TGFBR3: variants seen among roughly 807,000 people sequenced by gnomAD.
The protein encoded by TGFBR3 is transforming growth factor beta receptor 3.
In TGFBR3, 46 loss-of-function variants were observed where a neutral mutation model predicts 87.9. That is an observed-to-expected ratio of 0.52 (90% confidence interval 0.41 to 0.67). TGFBR3 has a LOEUF of 0.67. Ranked by LOEUF, TGFBR3 falls within the 30% of genes least tolerant of loss-of-function variation. TGFBR3 has a pLI of 0.00. For synonymous variants in TGFBR3, 381 were observed against 391.6 expected, an observed-to-expected ratio of 0.97 and a Z score of 0.32; for missense variants, 866 against 1,041.9, an observed-to-expected ratio of 0.83 and a Z score of 2.32.
chr1:91,865,445 GTATT>G (rs1180329432), intron 1 of TGFBR3, among the ~76,000 whole-genome samples: 4 of 151,432 alleles, frequency 2.6e-5, no homozygotes, highest in Non-Finnish European at 5.9e-5. Context: ...AGAACTTAAA[GTATT>G]TATTTAAAAA....
At chr1:91,785,324 G>T (rs774728933) in intron 3 of TGFBR3, among the ~76,000 whole-genome samples, 9 of 152,170 alleles carry the variant, frequency 5.9e-5, no homozygotes, top group Middle Eastern at 3.2e-3. Flanking sequence ...GCCGGGTCGT[G>T]GGGGGCACAC....
Position 91,720,206 on chromosome 1 carries a change from A to G in TGFBR3, c.1100T>C (p.Val367Ala), listed in dbSNP as rs776276219. 14 of 1,605,500 alleles carry G rather than the reference A, an allele frequency of 8.7e-6. No individual in the cohort carries two copies. Among genetic ancestry groups the G allele is most frequent in the Non-Finnish European group, 1.2e-5 (14 of 1,175,600 alleles). The change falls in exon 9 of 17, where the codon GTC (valine) becomes GCC (alanine). Residue 367 changes from valine (V) to alanine (A), a missense_variant. By Grantham distance (64) the Val-to-Ala change is moderately conservative (BLOSUM62 0). Transcript: ENST00000212355. The stretch of plus-strand genomic sequence containing the variant: ...CCGTAGCTCAGGAGGAATAGTGTGG[A>G]CTTCCTCATCTCCCATCTCCTCTGC... ...NNAEEMGDEEVHTIPPELRIL... is the reference protein window; with the variant it reads ...NNAEEMGDEEAHTIPPELRIL...
chr1:91,819,774 C>T (rs1419061717), intron 2 of TGFBR3, among the ~76,000 whole-genome samples: 1 of 152,198 alleles, frequency 6.6e-6, no homozygotes, highest in Non-Finnish European at 1.5e-5. Flanking sequence ...GCCCACTCTG[C>T]TTCTCTGCTC....
At chr1:91,713,735 G>A (rs1480587036) in intron 12 of TGFBR3, among the ~76,000 whole-genome samples, 1 of 152,184 alleles carries the variant, frequency 6.6e-6, no homozygotes, top group Admixed American at 6.5e-5. Flanking sequence ...TGTCACTGTG[G>A]TGACATTCTG....
intron 2 of TGFBR3, among the ~76,000 whole-genome samples, chr1:91,839,029 G>A (rs1161973522): frequency 6.6e-6 from 1 of 152,158 alleles, no homozygotes; most frequent in South Asian, 2.1e-4. Context: ...CCAGGCTAGA[G>A]TGCAGTGGCA....
chr1:91,708,820 C>T, intron 13 of TGFBR3, 37 bp from the exon 14 acceptor site: 3 of 1,611,162 alleles, frequency 1.9e-6, no homozygotes, highest in Non-Finnish European at 1.7e-6. Flanking sequence ...AATCAGGGGC[C>T]ACTCAAAAGT....
intron 1 of TGFBR3, among the ~76,000 whole-genome samples, chr1:91,877,381 G>A (rs149614588): frequency 5.9e-5 from 9 of 152,208 alleles, no homozygotes; most frequent in East Asian, 5.8e-4. Context: ...AGGCTGGAGT[G>A]CAGTGGTATG....
At chr1:91,769,964 C>T (rs149133557) in intron 3 of TGFBR3, among the ~76,000 whole-genome samples, 4 of 152,294 alleles carry the variant, frequency 2.6e-5, no homozygotes, top group Admixed American at 2.6e-4. Flanking sequence ...GTAAACACTG[C>T]TCCTCAGGCA....
rs1339673164 is a variant in TGFBR3, at chr1:91,716,227, A to T, written c.1866+9T>A. The T allele has an allele frequency of 1.9e-6, 3 of 1,614,034 alleles. No homozygotes were observed. Among genetic ancestry groups the T allele is most frequent in the Non-Finnish European group, 2.5e-6 (3 of 1,179,968 alleles). On this transcript the variant is annotated intron_variant, in intron 12 of 16. Transcript: ENST00000212355. ...ACCTAAAAGGTCAAGGCTAACTTTCAGGTCTCACCTCAACATAAACGTGTC... is the reference window on the plus strand; with the variant it reads ...ACCTAAAAGGTCAAGGCTAACTTTCTGGTCTCACCTCAACATAAACGTGTC...
At chr1:91,754,885 C>T (rs1057260613) in intron 4 of TGFBR3, 1 of 151,898 alleles carries the variant, frequency 6.6e-6, no homozygotes, top group South Asian at 2.1e-4. Flanking sequence ...TCTCATTGCC[C>T]TATTTAAAAA....
chr1:91,766,979 A>T lies in TGFBR3; in HGVS notation c.247-8229T>A, dbSNP rs1440201371. Among the ~76,000 whole-genome samples, 6 of 133,224 alleles carry T rather than the reference A, an allele frequency of 4.5e-5. 2 individuals carry two copies. Among genetic ancestry groups the T allele is most frequent in the African/African-American group, 1.1e-4 (4 of 35,382 alleles). 87.4% of individuals were successfully genotyped at this position (133,224 alleles called of 152,430 possible). A position where few individuals can be genotyped will look rare whatever the true frequency, so the allele number is the denominator to read the frequency against. On this transcript the variant is annotated intron_variant, in intron 3 of 16. Transcript: ENST00000212355. ...TTTCAGCCCACCCAAAACCCTTAAA[A>T]ACTCCAACCCCAAACTCCTGTGGGA...
chr1:91,688,363 G>T (rs930900884), intron 16 of TGFBR3, among the ~76,000 whole-genome samples: 8 of 152,160 alleles, frequency 5.3e-5, no homozygotes, highest in Admixed American at 1.3e-4. Flanking sequence ...TCAGGTGGAG[G>T]AGGAAGGCTG....
chr1:91,800,667 C>T (rs1433599764), intron 2 of TGFBR3, among the ~76,000 whole-genome samples: 2 of 150,220 alleles, frequency 1.3e-5, no homozygotes, highest in Non-Finnish European at 3.0e-5. Flanking sequence ...AAAAAAGCTA[C>T]AACATATGAT....
Position 91,734,840 on chromosome 1 carries a change from A to G in TGFBR3, c.504T>C (p.Tyr168=). The change falls in exon 5 of 17, where the codon TAT becomes TAC. Residue 168 remains tyrosine (Y), a synonymous_variant. Coordinates refer to ENST00000212355, the MANE Select transcript of TGFBR3 (RefSeq NM_003243.5). ...GTTCGGTGAATGAAGTAACTGCTCC[A>G]TACTCTTTTCGGGCCCAATTTAACA... The part of the protein sequence containing the change: ...EHLLNWARKE[Y]GAVTSFTELK... 1 of 1,614,216 alleles carries G rather than the reference A, an allele frequency of 6.2e-7. No homozygotes were observed. Among genetic ancestry groups the G allele is most frequent in the Non-Finnish European group, 8.5e-7 (1 of 1,180,022 alleles).
intron 5 of TGFBR3, among the ~76,000 whole-genome samples, chr1:91,732,488 C>T (rs1021253623): frequency 2.0e-5 from 3 of 152,116 alleles, no homozygotes; most frequent in African/African-American, 4.8e-5. Flanking sequence ...GAGAACTGCT[C>T]GGGTTAGAGC....
intron 2 of TGFBR3, among the ~76,000 whole-genome samples, chr1:91,893,373 C>T (rs7543879): frequency 0.46 from 69,915 of 151,710 alleles, 16,345 homozygotes; most frequent in Non-Finnish European, 0.51. Flanking sequence ...CAACCTTCAC[C>T]TCCCGGGTTC....
chr1:91,691,601 C>T (rs146774792), intron 16 of TGFBR3, among the ~76,000 whole-genome samples: 4 of 152,262 alleles, frequency 2.6e-5, no homozygotes, highest in East Asian at 1.9e-4. Flanking sequence ...GTCCTCTGTA[C>T]GCTTTAAACC....
intron 3 of TGFBR3, among the ~76,000 whole-genome samples, chr1:91,786,396 C>G (rs1341072491): frequency 6.6e-6 from 1 of 152,132 alleles, no homozygotes; most frequent in African/African-American, 2.4e-5. Flanking sequence ...CAGAGAAATT[C>G]AAGGGCAATT....
intron 2 of TGFBR3, among the ~76,000 whole-genome samples, chr1:91,843,418 A>G (rs1433902106): frequency 1.3e-5 from 2 of 152,226 alleles, no homozygotes; most frequent in African/African-American, 2.4e-5. Context: ...CCATGCTGGC[A>G]TCTTGATCAC....
Sources: allele counts gnomAD v4.1 joint callset (sites outside exome capture counted in the v4.1 genomes callset), GRCh38; gene constraint gnomAD v4.1.1; transcripts MANE v1.5; gene names NCBI Gene and HGNC (gene_info 2026-07-23, HGNC 2026-07-21).